The following RNF17 variants were observed in gnomAD, a reference collection of about 807,000 sequenced individuals.
The protein encoded by RNF17 is ring finger protein 17.
A neutral mutation model predicts 200.5 loss-of-function variants in RNF17; 31 were observed. That is an observed-to-expected ratio of 0.15 (90% confidence interval 0.12 to 0.21). The LOEUF is 0.21. Among genes scored for constraint, RNF17 ranks in the 10% least tolerant of loss-of-function variants. The probability of loss-of-function intolerance (pLI) is 1.00; values close to 1 mark genes in which losing one functional copy is unlikely to be tolerated. For missense variants in RNF17, 1,628 were observed against 1,905.1 expected (o/e 0.85, Z 2.71); for synonymous variants, 606 against 637.8 (o/e 0.95, Z 0.75).
chr13:24,755,471 C>G, the RNF17 span, among the ~76,000 whole-genome samples: 2 of 151,972 alleles, frequency 1.3e-5, no homozygotes, highest in Non-Finnish European at 2.9e-5. Context: ...ATGGGAAAAC[C>G]CTTATATAGA....
chr13:24,859,672 T>G (rs1892892340), intron 26 of RNF17, among the ~76,000 whole-genome samples: 1 of 152,026 alleles, frequency 6.6e-6, no homozygotes, highest in South Asian at 2.1e-4. Context: ...AGTAAAGGAA[T>G]GAAATTGATG....
chr13:24,831,882 A>C lies in RNF17; in HGVS notation c.2386A>C (p.Ile796Leu), dbSNP rs781227629. Residue 796 changes from isoleucine (I) to leucine (L), a missense_variant, in exon 18 of 36, where the codon ATT (isoleucine) becomes CTT (leucine). This residue lies in a region of RNF17 where 227 missense variants were observed against 319.8 expected (regional missense o/e 0.71). Coordinates refer to ENST00000255324, the MANE Select transcript of RNF17 (RefSeq NM_031277.3). ...GGCAATTAAATGTAAGTTGGCCTATATTGAACCATATAAAAGGACAATGCA... is the reference window on the plus strand; with the variant it reads ...GGCAATTAAATGTAAGTTGGCCTATCTTGAACCATATAAAAGGACAATGCA... ...EKAIKCKLAY[I>L]EPYKRTMQWS... is the part of the protein sequence containing the mutation. 6.2e-7 allele frequency: 1 copy of C among 1,607,376 alleles called. No individual in the cohort carries two copies. Among genetic ancestry groups the C allele is most frequent in the Non-Finnish European group, 8.5e-7 (1 of 1,178,226 alleles).
chr13:24,883,407 A>AAT (rs1566275351), downstream of RNF17: 2 of 1,453,026 alleles, frequency 1.4e-6, no homozygotes, highest in East Asian at 5.0e-5. Context: ...CTTAAAAAAA[A>AAT]AATAATAGAA....
At chr13:24,755,011 T>C in the RNF17 span, among the ~76,000 whole-genome samples, 2 of 152,180 alleles carry the variant, frequency 1.3e-5, no homozygotes, top group Admixed American at 1.3e-4. Context: ...AATTTAGTAG[T>C]ATGCTGTTTT....
rs746275549 is a variant in RNF17, at chr13:24,789,355, G to A, written c.791G>A (p.Arg264Gln). 1.0e-5 allele frequency: 16 copies of A among 1,591,758 alleles called. No homozygotes were observed. Among genetic ancestry groups the A allele is most frequent in the African/African-American group, 5.4e-5 (4 of 74,498 alleles). ...RTYCDLNQII[R>Q]TLQLTSDSEL... ...TTTTTTTTTAAATTCTAGATTATCCGGACTTTGCAGTTAACTTCAGATAGT... is the reference window on the plus strand; with the variant it reads ...TTTTTTTTTAAATTCTAGATTATCCAGACTTTGCAGTTAACTTCAGATAGT... Residue 264 changes from arginine to glutamine, a missense_variant, in exon 8 of 36, where the codon CGG (arginine) becomes CAG (glutamine). Arg to Gln is a conservative substitution (Grantham distance 43). Transcript: ENST00000255324.
intron 34 of RNF17, 151 bp downstream of exon 34, chr13:24,877,337 T>C (rs74849395): frequency 5.2e-6 from 3 of 573,274 alleles, no homozygotes; most frequent in Admixed American, 4.1e-5. Flanking sequence ...GCTTTATATA[T>C]ACATATAAAG....
Position 24,861,311 on chromosome 13 carries a change from G to A in RNF17, c.3818G>A (p.Cys1273Tyr). 2 of 1,594,124 alleles carry A rather than the reference G, an allele frequency of 1.3e-6. No homozygotes were observed. The highest frequency in any genetic ancestry group is 1.1e-5 in the South Asian group (1 of 89,122). ...DHGFTEKIPQCHLYPILLYPD... is the reference protein window; with the variant it reads ...DHGFTEKIPQYHLYPILLYPD... ...GGATTCACTGAAAAGATTCCGCAGT[G>A]CCATCTTTACCCTATTTTGCTGTAT... The change falls in exon 27 of 36, where the codon TGC (cysteine) becomes TAC (tyrosine). Residue 1273 changes from cysteine (C) to tyrosine (Y), a missense_variant. Physicochemically the swap from Cys to Tyr is radical, Grantham distance 194. Coordinates refer to ENST00000255324, the MANE Select transcript of RNF17 (RefSeq NM_031277.3).
rs187722952 is a variant in RNF17 at position 24,821,907 on chromosome 13, A to G, written c.2092-3712A>G. ...TTTGTCATCTCGCACGAAGAAAGTTAAGGACACGGACACACATGAGGAGTT... is the reference window on the plus strand; with the variant it reads ...TTTGTCATCTCGCACGAAGAAAGTTGAGGACACGGACACACATGAGGAGTT... On this transcript the variant is annotated intron_variant, in intron 15 of 35. Coordinates refer to ENST00000255324, the MANE Select transcript of RNF17 (RefSeq NM_031277.3). 1.5e-3 allele frequency among the ~76,000 whole-genome samples: 224 copies of G among 152,336 alleles called. 1 individual carries two copies. Among genetic ancestry groups the G allele is most frequent in the African/African-American group, 5.2e-3 (217 of 41,580 alleles).
chr13:24,767,763 C>A lies in RNF17; in HGVS notation c.225+397C>A, dbSNP rs976708222. On this transcript the variant is annotated intron_variant, in intron 2 of 35. Transcript: ENST00000255324. ...CTCCATCTCAAAAAAAAAAAAAAAACCCTAAAATCTTGCATTTTTGCTGCT... is the reference window on the plus strand; with the variant it reads ...CTCCATCTCAAAAAAAAAAAAAAAAACCTAAAATCTTGCATTTTTGCTGCT... 6.3e-5 allele frequency among the ~76,000 whole-genome samples: 9 copies of A among 142,876 alleles called. No individual in the cohort carries two copies. In the South Asian group the frequency reaches 1.1e-3, roughly 17 times the overall value. 93.7% of individuals were successfully genotyped at this position (142,876 alleles called of 152,430 possible).
upstream of RNF17, among the ~76,000 whole-genome samples, chr13:24,762,768 T>C (rs1878896895): frequency 4.6e-5 from 7 of 152,164 alleles, no homozygotes; most frequent in South Asian, 1.5e-3. Context: ...GGTGTTTTGT[T>C]TGAAATACAC....
At position 24,807,963 on chromosome 13, in the gene RNF17, C is replaced by T. The variant is rs1324496859; in HGVS notation, c.2091+3534C>T. On this transcript the variant is annotated intron_variant, in intron 15 of 35. Transcript: ENST00000255324. ...CAAAGATCAGATATTTGTAGATATG[C>T]GGCGTTATTTCTGAGGGCTCTGTTC... Among the ~76,000 whole-genome samples, 16 of 151,744 alleles carry T rather than the reference C, an allele frequency of 1.1e-4. 1 individual carries two copies. Among genetic ancestry groups the T allele is most frequent in the South Asian group, 1.0e-3 (5 of 4,784 alleles).
downstream of RNF17, chr13:24,884,583 AG>A (rs1953957026): frequency 2.1e-6 from 2 of 971,242 alleles, no homozygotes; most frequent in Non-Finnish European, 3.3e-6. Flanking sequence ...TTCCCTCAAA[AG>A]ATCCTTTATT....
intron 18 of RNF17, among the ~76,000 whole-genome samples, chr13:24,833,983 C>A (rs1389334151): frequency 2.6e-5 from 4 of 152,178 alleles, no homozygotes; most frequent in Non-Finnish European, 1.5e-5. Flanking sequence ...CTAAAGTTAA[C>A]ACAAGAGATG....
intron 10 of RNF17, chr13:24,794,128 T>C: frequency 2.3e-6 from 1 of 440,576 alleles, no homozygotes; most frequent in Non-Finnish European, 4.5e-6. Flanking sequence ...TTAGTACAAG[T>C]TGTCTTTATT....
chr13:24,870,422 A>T, intron 31 of RNF17, 149 bp from the exon 32 acceptor site: 2 of 600,516 alleles, frequency 3.3e-6, no homozygotes, highest in Non-Finnish European at 5.9e-6. Flanking sequence ...GTGTGGTAGG[A>T]TGTGGGAAGG....
chr13:24,799,726 T>C, intron 12 of RNF17, 142 bp downstream of exon 12: 1 of 595,874 alleles, frequency 1.7e-6, no homozygotes, highest in South Asian at 2.4e-5. Flanking sequence ...ATTATTTTGC[T>C]CTACTGTTGT....
At chr13:24,852,133 TCTC>T (rs1197855381) in intron 24 of RNF17, among the ~76,000 whole-genome samples, 9 of 127,908 alleles carry the variant, frequency 7.0e-5, no homozygotes, top group African/African-American at 2.7e-4. Context: ...TTTCTCTCTC[TCTC>T]TTTTTTTTTT....
At chr13:24,851,340 G>C (rs1452306307) in intron 23 of RNF17, 116 bp from the exon 24 acceptor site, 1 of 756,030 alleles carries the variant, frequency 1.3e-6, no homozygotes, top group Non-Finnish European at 2.2e-6. Flanking sequence ...ACTTGACTCA[G>C]CTGGGAATAT....
At chr13:24,838,054 T>C (rs937363615) in intron 18 of RNF17, among the ~76,000 whole-genome samples, 17 of 152,298 alleles carry the variant, frequency 1.1e-4, no homozygotes, top group Non-Finnish European at 1.0e-4. Context: ...TCAAGGCTGC[T>C]ATGAACACTT....
Sources: gnomAD v4.1 joint callset for allele counts (sites outside exome capture counted in the v4.1 genomes callset) on GRCh38, gnomAD v4.1.1 for gene constraint, gnomAD v4.1.1 regional missense constraint, MANE v1.5 for transcripts, NCBI Gene and HGNC (gene_info 2026-07-23, HGNC 2026-07-21) for gene names.